The following ZFYVE26 variants were observed in gnomAD, a reference collection of about 807,000 sequenced individuals.
ZFYVE26 encodes zinc finger FYVE domain-containing protein 26.
Under a neutral mutation model 276.5 loss-of-function variants are expected in ZFYVE26, and 181 were observed. The observed-to-expected ratio is 0.65, with a 90% confidence interval of 0.58 to 0.74. The LOEUF (loss-of-function observed/expected upper bound fraction) is 0.74. ZFYVE26 is among the 30% of genes least tolerant of loss of function. ZFYVE26 has a pLI of 0.00. For synonymous variants in ZFYVE26, 1,129 were observed against 1,203.1 expected (o/e 0.94, Z 1.27); for missense variants, 2,821 against 3,097.9 (o/e 0.91, Z 2.12).
intron 8 of ZFYVE26, 67 bp downstream of exon 8, chr14:67,805,150 C>T (rs2040150840): frequency 1.3e-6 from 2 of 1,497,324 alleles, no homozygotes; most frequent in African/African-American, 1.4e-5. Context: ...TTGAAATGGC[C>T]ACACATGCGG....
chr14:67,749,802 C>G (rs2038587308), intron 41 of ZFYVE26, among the ~76,000 whole-genome samples: 1 of 152,176 alleles, frequency 6.6e-6, no homozygotes, highest in Non-Finnish European at 1.5e-5. Flanking sequence ...GCCTTCAGCT[C>G]CCCTTAGCAT....
intron 41 of ZFYVE26, among the ~76,000 whole-genome samples, chr14:67,749,329 C>T (rs2038574226): frequency 6.6e-6 from 1 of 152,194 alleles, no homozygotes. Flanking sequence ...TCTAACCCCA[C>T]TTAGACCTGA....
chr14:67,738,382 T>C (rs2038376089), intron 13 of ZFYVE26, among the ~76,000 whole-genome samples: 1 of 148,408 alleles, frequency 6.7e-6, no homozygotes, highest in Non-Finnish European at 1.5e-5. Flanking sequence ...TATATACTTA[T>C]AAAATATATA....
chr14:67,788,455 A>G (rs1297755305), intron 16 of ZFYVE26, among the ~76,000 whole-genome samples: 3 of 152,162 alleles, frequency 2.0e-5, no homozygotes, highest in East Asian at 1.9e-4. Flanking sequence ...TTCCCTATAT[A>G]CAACACCTTG....
At chr14:67,763,114 AG>A (rs1227515147) in intron 32 of ZFYVE26, among the ~76,000 whole-genome samples, 1 of 152,200 alleles carries the variant, frequency 6.6e-6, no homozygotes, top group Non-Finnish European at 1.5e-5. Context: ...CACGTTGGCC[AG>A]GCTGGTCTTG....
In ZFYVE26 at chr14:67,761,530, G is replaced by A. The variant is rs1239601514; in HGVS notation, c.6424C>T (p.Gln2142Ter). The A allele has an allele frequency of 1.9e-6, 3 of 1,614,230 alleles. No individual in the cohort carries two copies. The highest frequency in any genetic ancestry group is 2.5e-6 in the Non-Finnish European group (3 of 1,180,040). The change falls in exon 35 of 42, where the codon CAG becomes TAG. Residue 2142 changes from glutamine to a stop codon, truncating the protein, a stop_gained. Coordinates refer to ENST00000347230, the MANE Select transcript of ZFYVE26 (RefSeq NM_015346.4). LOFTEE classifies it high-confidence loss of function. ...GGAATCACTGCCAGAGAAAGGCTCT[G>A]CGTCCGAAGGGTAGCTTCCAGTTCC... ...LRELEATLRT[Q>*]SLSLAVIPEG...
intron 31 of ZFYVE26, 70 bp from the exon 32 acceptor site, chr14:67,766,517 G>T: frequency 6.8e-7 from 1 of 1,460,142 alleles, no homozygotes; most frequent in Non-Finnish European, 9.6e-7. Context: ...AAGGCAGCTG[G>T]GTGGCAGAAA....
At position 67,762,384 on chromosome 14, in the gene ZFYVE26, G is replaced by A; in HGVS notation, c.6188C>T (p.Thr2063Ile). The part of the protein sequence containing the change: ...EVSTKTGLDT[T>I]GAWHAWGMAC... Reference sequence around the variant, plus strand: ...CATGCCCCAAGCATGCCACGCCCCGGTGGTATCAAGCCCAGTCTTTGTGGA... The same window carrying A: ...CATGCCCCAAGCATGCCACGCCCCGATGGTATCAAGCCCAGTCTTTGTGGA... The change falls in exon 34 of 42, where the codon ACC becomes ATC. Residue 2063 changes from threonine to isoleucine, a missense_variant. Thr to Ile is a moderately conservative substitution (Grantham distance 89). Coordinates refer to ENST00000347230, the MANE Select transcript of ZFYVE26 (RefSeq NM_015346.4). 1.2e-6 allele frequency: 2 copies of A among 1,614,128 alleles called. No homozygotes were observed. The highest frequency in any genetic ancestry group is 1.7e-6 in the Non-Finnish European group (2 of 1,179,996).
At chr14:67,808,068 T>A in intron 4 of ZFYVE26, 148 bp from the exon 5 acceptor site, 1 of 950,956 alleles carries the variant, frequency 1.1e-6, no homozygotes, top group Non-Finnish European at 1.6e-6. Context: ...TGTTAGACAT[T>A]GTTCTAAGGC....
intron 16 of ZFYVE26, 49 bp from the exon 17 acceptor site, chr14:67,786,282 G>C (rs1331147298): frequency 1.6e-6 from 1 of 635,086 alleles, no homozygotes; most frequent in Non-Finnish European, 2.2e-6. Flanking sequence ...AAATTGAAGT[G>C]TTTTCAGAGA....
downstream of ZFYVE26, among the ~76,000 whole-genome samples, chr14:67,742,624 C>A (rs897139863): frequency 6.6e-6 from 1 of 152,044 alleles, no homozygotes. Flanking sequence ...TGATAATGAT[C>A]TGAACTACAG....
In ZFYVE26 at chr14:67,751,114, A is replaced by T. The variant is rs372886417; in HGVS notation, c.7372-18T>A. 3 of 1,614,042 alleles carry T rather than the reference A, an allele frequency of 1.9e-6. No homozygotes were observed. The highest frequency in any genetic ancestry group is 2.5e-6 in the Non-Finnish European group (3 of 1,180,016). ...TCCAGCTCCTGTGCAGAACAGAAAC[A>T]GCACTGTGAGAGGGAGAAGAGTCCC... On this transcript the variant is annotated intron_variant, in intron 40 of 41. Coordinates refer to ENST00000347230, the MANE Select transcript of ZFYVE26 (RefSeq NM_015346.4).
chr14:67,756,730 T>C (rs992581841), intron 35 of ZFYVE26, among the ~76,000 whole-genome samples: 3 of 152,200 alleles, frequency 2.0e-5, no homozygotes, highest in Non-Finnish European at 2.9e-5. Context: ...CTTTTCTATT[T>C]ATACTCACTC....
chr14:67,798,048 C>T lies in ZFYVE26; in HGVS notation c.2214G>A (p.Trp738Ter). The T allele has an allele frequency of 1.2e-6, 2 of 1,614,180 alleles. No individual in the cohort carries two copies. Among genetic ancestry groups the T allele is most frequent in the Non-Finnish European group, 1.7e-6 (2 of 1,180,034 alleles). ...GGTTGCTTGTCACCACCTTGTGTCT[C>T]CACTGGGCCTCAGAGACAACCTTGG... Reference protein sequence around the residue: ...RLSKVVSEAQWRHKVVTSNHR... With the variant: ...RLSKVVSEAQ The change falls in exon 11 of 42, where the codon TGG becomes TGA. Residue 738 changes from tryptophan (W) to a stop codon, truncating the protein, a stop_gained. Coordinates refer to ENST00000347230, the MANE Select transcript of ZFYVE26 (RefSeq NM_015346.4). LOFTEE classifies it high-confidence loss of function.
chr14:67,809,360 T>G lies in ZFYVE26; in HGVS notation c.274-71A>C, dbSNP rs2040246370. The G allele has an allele frequency of 5.2e-6, 6 of 1,155,654 alleles. No individual in the cohort carries two copies. In the South Asian group the frequency reaches 7.6e-5, roughly 15 times the overall value. 71.6% of individuals were successfully genotyped at this position (1,155,654 alleles called of 1,614,324 possible). On this transcript the variant is annotated intron_variant, in intron 3 of 41. Coordinates refer to ENST00000347230, the MANE Select transcript of ZFYVE26 (RefSeq NM_015346.4). ...TAGTTAACAAATTATAATTAAATAT[T>G]TCTGTCCAGTTAGTCTTATTTCTGC... is the stretch of plus-strand genomic sequence containing the variant.
chr14:67,769,658 C>T lies in ZFYVE26; in HGVS notation c.5557G>A (p.Val1853Ile). 1 of 1,614,066 alleles carries T rather than the reference C, an allele frequency of 6.2e-7. No homozygotes were observed. Among genetic ancestry groups the T allele is most frequent in the Admixed American group, 1.7e-5 (1 of 60,018 alleles). Residue 1853 changes from valine to isoleucine, a missense_variant, in exon 29 of 42, where the codon GTT (valine) becomes ATT (isoleucine). Transcript: ENST00000347230. Reference protein sequence around the residue: ...CSSCSTKKMVVEGCRENPARV... With the variant: ...CSSCSTKKMVIEGCRENPARV... ...GCAGGGTTCTCTCTGCAGCCTTCAACCACCATTTTCTTAGTGGAGCAGGAG... is the reference window on the plus strand; with the variant it reads ...GCAGGGTTCTCTCTGCAGCCTTCAATCACCATTTTCTTAGTGGAGCAGGAG...
intron 25 of ZFYVE26, among the ~76,000 whole-genome samples, chr14:67,776,396 C>T (rs917936203): frequency 4.6e-5 from 7 of 152,342 alleles, no homozygotes; most frequent in African/African-American, 1.7e-4. Context: ...CTGTCTCAAA[C>T]ATTCAGCTCT....
intron 27 of ZFYVE26, among the ~76,000 whole-genome samples, chr14:67,774,035 G>C (rs1955470): frequency 0.61 from 93,246 of 151,944 alleles, 29,560 homozygotes; most frequent in East Asian, 0.92. Flanking sequence ...TACGGTCAAG[G>C]CTCATTAATA....
At chr14:67,813,751 A>T (rs2040346195) in intron 3 of ZFYVE26, among the ~76,000 whole-genome samples, 1 of 152,244 alleles carries the variant, frequency 6.6e-6, no homozygotes. Context: ...AGTTCTCTTT[A>T]GGCACAAGAC....
Sources: gnomAD v4.1 joint callset for allele counts (sites outside exome capture counted in the v4.1 genomes callset) on GRCh38, gnomAD v4.1.1 for gene constraint, MANE v1.5 for transcripts, NCBI Gene and HGNC (gene_info 2026-07-23, HGNC 2026-07-21) for gene names.